The following TBCD variants were observed in gnomAD, a reference collection of about 807,000 sequenced individuals.
TBCD encodes the protein tubulin folding cofactor D.
A neutral mutation model predicts 169.3 loss-of-function variants in TBCD; 105 were observed. The observed-to-expected ratio is 0.62, with a 90% confidence interval of 0.53 to 0.73. The LOEUF is 0.73. TBCD is among the 30% of genes least tolerant of loss of function. The pLI, the probability that TBCD is intolerant of heterozygous loss-of-function variation, is 0.00. For synonymous variants in TBCD, 700 were observed against 643.9 expected, an observed-to-expected ratio of 1.09 and a Z score of -1.32; for missense variants, 1,444 against 1,600.1, an observed-to-expected ratio of 0.90 and a Z score of 1.66.
chr17:82,823,927 C>T (rs918786306), intron 13 of TBCD, among the ~76,000 whole-genome samples: 1 of 152,082 alleles, frequency 6.6e-6, no homozygotes, highest in African/African-American at 2.4e-5. Flanking sequence ...TCACTCGCCC[C>T]TGATGCTCCT....
At chr17:82,834,190 C>A (rs2060963205) in intron 13 of TBCD, among the ~76,000 whole-genome samples, 1 of 152,096 alleles carries the variant, frequency 6.6e-6, no homozygotes, top group African/African-American at 2.4e-5. Context: ...TCAGGTGATC[C>A]ACCTGCCTTA....
At position 82,920,507 on chromosome 17, in the gene TBCD, G is replaced by A. The variant is rs752856067; in HGVS notation, c.2039-49G>A. 3.8e-5 allele frequency: 56 copies of A among 1,492,568 alleles called. No homozygotes were observed. Among genetic ancestry groups the A allele is most frequent in the Middle Eastern group, 2.2e-4 (1 of 4,538 alleles). The allele number at this position is 1,492,568 out of a possible 1,614,324, so 92.5% of individuals were successfully genotyped here. A position where few individuals can be genotyped will look rare whatever the true frequency, so the allele number is the denominator to read the frequency against. On this transcript the variant is annotated intron_variant, in intron 23 of 38. Coordinates refer to ENST00000355528, the MANE Select transcript of TBCD (RefSeq NM_005993.5). This position sits in a 1 kb window ranked among gnomAD's most constrained non-coding sequence, Gnocchi z 4.1. Reference sequence around the variant, plus strand: ...GCAAAGGCAAGCCGCTGTGGCAGGCGCTTTTAGAAAAGTAACATTGCGTCT... The same window carrying A: ...GCAAAGGCAAGCCGCTGTGGCAGGCACTTTTAGAAAAGTAACATTGCGTCT...
At chr17:82,917,879 T>G (rs1428253068) in intron 23 of TBCD, among the ~76,000 whole-genome samples, 2 of 151,998 alleles carry the variant, frequency 1.3e-5, no homozygotes, top group Non-Finnish European at 2.9e-5. Context: ...CCGGGGAGAG[T>G]TGGCCCCCGC....
At chr17:82,810,676 G>T (rs1200159553) in intron 12 of TBCD, among the ~76,000 whole-genome samples, 1 of 152,230 alleles carries the variant, frequency 6.6e-6, no homozygotes, top group Non-Finnish European at 1.5e-5. Context: ...TTTTGCTTGT[G>T]TAAATGTCTC....
rs755302623 is a variant in TBCD at position 82,840,953 on chromosome 17, G to GTTTTTTTTTTTTTTTTT, written c.1318+26019_1318+26020insTTTTTTTTTTTTTTTTT. Reference sequence around the variant, plus strand: ...ACGAGCTGGCCAGGACAGACAAACTGGTTTTTTTTTTTTTTTTTTTTTTTT... The same window carrying GTTTTTTTTTTTTTTTTT: ...ACGAGCTGGCCAGGACAGACAAACTGTTTTTTTTTTTTTTTTTGTTTTTTTTTTTTTTTTTTTTTTTT... On this transcript the variant is annotated intron_variant, in intron 13 of 38. Coordinates refer to ENST00000355528, the MANE Select transcript of TBCD (RefSeq NM_005993.5). Among the ~76,000 whole-genome samples the GTTTTTTTTTTTTTTTTT allele has an allele frequency of 5.2e-4, 37 of 70,548 alleles. 18 individuals are homozygous for GTTTTTTTTTTTTTTTTT. The highest frequency in any genetic ancestry group is 1.5e-3 in the African/African-American group (27 of 18,010). The allele number at this position is 70,548 out of a possible 152,430, so 46.3% of individuals were successfully genotyped here. A position where few individuals can be genotyped will look rare whatever the true frequency, so the allele number is the denominator to read the frequency against.
intron 22 of TBCD, among the ~76,000 whole-genome samples, chr17:82,911,179 C>T (rs2060614354): frequency 6.6e-6 from 1 of 152,224 alleles, no homozygotes; most frequent in South Asian, 2.1e-4. Context: ...TCATATGTTG[C>T]ATTCTGTCCA....
intron 23 of TBCD, among the ~76,000 whole-genome samples, chr17:82,914,929 A>G (rs1254741584): frequency 2.0e-5 from 3 of 152,200 alleles, no homozygotes; most frequent in Admixed American, 6.5e-5. Flanking sequence ...TTGGCCCCGC[A>G]TCTCCCAGTC....
In TBCD at chr17:82,922,758, C is replaced by CG. The variant is rs1568050512; in HGVS notation, c.2179-893dup. On this transcript the variant is annotated intron_variant, in intron 25 of 38. Transcript: ENST00000355528. This position sits in a 1 kb window ranked among gnomAD's most constrained non-coding sequence, Gnocchi z 4.1. ...CTCTGCTCATGGCCCCCACCTGCCC[C>CG]GCCCCCAGTGCCTCTCCAAGGCTGC... Among the ~76,000 whole-genome samples the CG allele has an allele frequency of 6.6e-6, 1 of 152,236 alleles. No individual in the cohort carries two copies. The highest frequency in any genetic ancestry group is 6.5e-5 in the Admixed American group (1 of 15,284).
In TBCD at chr17:82,801,827, C is replaced by T. The variant is rs530563053; in HGVS notation, c.950+831C>T. On this transcript the variant is annotated intron_variant, in intron 9 of 38. Transcript: ENST00000355528. ...CGGAGTCAGCGTGGCAGGAGGGCGG[C>T]GTGTGCGTCGTGTGGTTCGGAGTCA... Among the ~76,000 whole-genome samples, 1,067 of 137,732 alleles carry T rather than the reference C, an allele frequency of 7.7e-3. 4 individuals are homozygous for T. The highest frequency in any genetic ancestry group is 0.012 in the Non-Finnish European group (782 of 64,966). 90.4% of individuals were successfully genotyped at this position (137,732 alleles called of 152,430 possible).
At chr17:82,899,321 G>GCGCGCGTCCTCAGCT (rs990032611) in intron 17 of TBCD, among the ~76,000 whole-genome samples, 1 of 149,980 alleles carries the variant, frequency 6.7e-6, no homozygotes, top group Non-Finnish European at 1.5e-5. Flanking sequence ...TGTCCTCAGC[G>GCGCGCGTCCTCAGCT]CGCGCGTCCT....
intron 9 of TBCD, among the ~76,000 whole-genome samples, chr17:82,803,071 T>G (rs528450474): frequency 6.6e-6 from 1 of 152,354 alleles, no homozygotes; most frequent in East Asian, 1.9e-4. Context: ...CGGTTGGATT[T>G]TCGTTGTCTC....
chr17:82,890,204 C>T lies in TBCD; in HGVS notation c.1563+507C>T, dbSNP rs1483491910. On this transcript the variant is annotated intron_variant, in intron 16 of 38. Transcript: ENST00000355528. This position sits in a 1 kb window ranked among gnomAD's most constrained non-coding sequence, Gnocchi z 5.3. ...GACATCTGGTCACTGGTCAGCTTCG[C>T]CTGTGAATGGGGGGCCCCAGGTTAC... Among the ~76,000 whole-genome samples, 1 of 152,204 alleles carries T rather than the reference C, an allele frequency of 6.6e-6. No individual in the cohort carries two copies. The highest frequency in any genetic ancestry group is 2.4e-5 in the African/African-American group (1 of 41,446).
In TBCD at chr17:82,861,549, G is replaced by A. The variant is rs59127972; in HGVS notation, c.1319-8675G>A. Among the ~76,000 whole-genome samples the A allele has an allele frequency of 2.3e-3, 355 of 152,302 alleles. 12 individuals are homozygous for A. The East Asian group carries it at 0.061, about 26-fold the overall frequency. On this transcript the variant is annotated intron_variant, in intron 13 of 38. Transcript: ENST00000355528. ...CGTCAAGAGACCTGAGCCCGGCCCC[G>A]GTGTGCCGCGCACTGGCCATGTGTC...
At position 82,920,835 on chromosome 17, in the gene TBCD, G is replaced by A. The variant is rs1204406955; in HGVS notation, c.2101+217G>A. 4.6e-5 allele frequency among the ~76,000 whole-genome samples: 7 copies of A among 151,998 alleles called. No individual in the cohort carries two copies. The highest frequency in any genetic ancestry group is 7.4e-5 in the Non-Finnish European group (5 of 68,004). Reference sequence around the variant, plus strand: ...CAACACAGGAGGGCCCTTCCCCGCCGTCACCTCAGTACCCCCACCTCCTCG... The same window carrying A: ...CAACACAGGAGGGCCCTTCCCCGCCATCACCTCAGTACCCCCACCTCCTCG... On this transcript the variant is annotated intron_variant, in intron 24 of 38. Transcript: ENST00000355528. This position sits in a 1 kb window ranked among gnomAD's most constrained non-coding sequence, Gnocchi z 4.1.
At chr17:82,773,449 A>G (rs955275099) in intron 6 of TBCD, among the ~76,000 whole-genome samples, 7 of 152,230 alleles carry the variant, frequency 4.6e-5, no homozygotes, top group Admixed American at 2.0e-4. Flanking sequence ...ATGATCGTCT[A>G]ATTATTAAAG....
In TBCD at chr17:82,900,776, A is replaced by G. The variant is rs547353963; in HGVS notation, c.1730+45A>G. 2.1e-4 allele frequency: 308 copies of G among 1,435,160 alleles called. 6 individuals are homozygous for G. The South Asian group carries it at 3.3e-3, about 15-fold the overall frequency. 88.9% of individuals were successfully genotyped at this position (1,435,160 alleles called of 1,614,324 possible). A position where few individuals can be genotyped will look rare whatever the true frequency, so the allele number is the denominator to read the frequency against. On this transcript the variant is annotated intron_variant, in intron 18 of 38. Transcript: ENST00000355528. ...TTTTCTAAGAGCTTTTTTTCCCCCC[A>G]AAGGAGAGATTCAGTTGAGCTTATA... is the stretch of plus-strand genomic sequence containing the variant.
Position 82,831,044 on chromosome 17 carries a change from C to T in TBCD, c.1318+16110C>T, listed in dbSNP as rs368616827. 47 of 1,614,064 alleles carry T rather than the reference C, an allele frequency of 2.9e-5. No individual in the cohort carries two copies. Among genetic ancestry groups the T allele is most frequent in the African/African-American group, 5.3e-5 (4 of 74,934 alleles). On this transcript the variant is annotated intron_variant, in intron 13 of 38. Transcript: ENST00000355528. This position sits in a 1 kb window ranked among gnomAD's most constrained non-coding sequence, Gnocchi z 4.6. Reference sequence around the variant, plus strand: ...CTTACTGGAGACTCTGCTGTGGTCTCAGCAGCCTGGGCAGGTAGGCATTCT... The same window carrying T: ...CTTACTGGAGACTCTGCTGTGGTCTTAGCAGCCTGGGCAGGTAGGCATTCT...
intron 3 of TBCD, among the ~76,000 whole-genome samples, chr17:82,764,816 TGC>T: frequency 2.1e-5 from 2 of 94,154 alleles, no homozygotes; most frequent in Non-Finnish European, 2.1e-5. Flanking sequence ...CGGGTGTCTG[TGC>T]TCATAGTCTG....
chr17:82,752,199 C>T lies in TBCD; in HGVS notation c.6C>T (p.Ala2=). Residue 2 remains alanine (A), a synonymous_variant, in exon 1 of 39, where the codon GCC becomes GCT. Transcript: ENST00000355528. Reference sequence around the variant, plus strand: ...GCGGTCCCCAGGCTGCCGAGATGGCCCTGAGCGACGAACCGGCCGCGGGCG... The same window carrying T: ...GCGGTCCCCAGGCTGCCGAGATGGCTCTGAGCGACGAACCGGCCGCGGGCG... M[A]LSDEPAAGGP... 6.6e-7 allele frequency: 1 copy of T among 1,521,746 alleles called. No individual in the cohort carries two copies. The highest frequency in any genetic ancestry group is 8.8e-7 in the Non-Finnish European group (1 of 1,136,924). 94.3% of individuals were successfully genotyped at this position (1,521,746 alleles called of 1,614,324 possible).
Sources: gnomAD v4.1 joint callset for allele counts (sites outside exome capture counted in the v4.1 genomes callset) on GRCh38, gnomAD v4.1.1 for gene constraint, Gnocchi (gnomAD v3.1) non-coding constraint, MANE v1.5 for transcripts, NCBI Gene and HGNC (gene_info 2026-07-23, HGNC 2026-07-21) for gene names.